Variants in ROBO2 observed in about 807,000 individuals in gnomAD.
ROBO2 encodes roundabout guidance receptor 2, also known as roundabout homolog 2.
ROBO2 carries 53 observed loss-of-function variants against 160.8 expected under a neutral mutation model. The ratio of observed to expected loss-of-function variants is 0.33; its 90% CI spans 0.26 to 0.41. ROBO2 has a LOEUF of 0.41. ROBO2 is among the 10% of genes least tolerant of loss of function. ROBO2 has a pLI of 1.00. For synonymous variants in ROBO2, 664 were observed against 611.7 expected (o/e 1.09, Z -1.26); for missense variants, 1,577 against 1,722.4 (o/e 0.92, Z 1.49).
intron 2 of ROBO2, among the ~76,000 whole-genome samples, chr3:76,145,529 G>A (rs1027692246): frequency 3.3e-5 from 5 of 151,926 alleles, no homozygotes; most frequent in South Asian, 2.1e-4. Flanking sequence ...ACAAAAATAC[G>A]TAAATTAATG....
At chr3:77,003,395 T>C (rs954305434) in intron 2 of ROBO2, among the ~76,000 whole-genome samples, 2 of 152,184 alleles carry the variant, frequency 1.3e-5, no homozygotes, top group African/African-American at 4.8e-5. Context: ...AGATAGTACA[T>C]ATAAACTGGT....
chr3:77,390,922 G>A (rs1005280219), intron 2 of ROBO2, among the ~76,000 whole-genome samples: 2 of 151,910 alleles, frequency 1.3e-5, no homozygotes, highest in African/African-American at 2.4e-5. Context: ...GCAGGTAAGC[G>A]AATGAAAGTT....
intron 1 of ROBO2, among the ~76,000 whole-genome samples, chr3:75,920,604 ATCTG>A (rs1559752167): frequency 1.3e-5 from 2 of 152,030 alleles, no homozygotes; most frequent in African/African-American, 4.8e-5. Context: ...TGTCCTGTTG[ATCTG>A]TCTAATATTG....
chr3:76,101,766 C>T (rs1037211845), intron 2 of ROBO2, among the ~76,000 whole-genome samples: 7 of 139,456 alleles, frequency 5.0e-5, no homozygotes, highest in African/African-American at 1.6e-4. Context: ...TCCAAGTGTT[C>T]CCATTGTACC....
chr3:77,396,006 T>C (rs988178921), intron 2 of ROBO2, among the ~76,000 whole-genome samples: 3 of 151,838 alleles, frequency 2.0e-5, no homozygotes, highest in African/African-American at 7.2e-5. Flanking sequence ...CTTTTTGATA[T>C]CCAAATAACC....
intron 6 of ROBO2, among the ~76,000 whole-genome samples, chr3:77,542,031 A>T (rs181127158): frequency 6.6e-6 from 1 of 152,274 alleles, no homozygotes; most frequent in Admixed American, 6.5e-5. Context: ...CTGTGTTGAT[A>T]AAATGCCACA....
intron 2 of ROBO2, among the ~76,000 whole-genome samples, chr3:77,435,333 TG>T (rs2079169699): frequency 6.6e-6 from 1 of 151,974 alleles, no homozygotes; most frequent in Non-Finnish European, 1.5e-5. Context: ...AGTACATTGA[TG>T]GAAAGTATTT....
At chr3:77,464,211 G>A (rs1259818190) in intron 2 of ROBO2, among the ~76,000 whole-genome samples, 6 of 152,290 alleles carry the variant, frequency 3.9e-5, no homozygotes, top group Admixed American at 2.0e-4. Context: ...GATAATAAAA[G>A]TAGCAGAACA....
At chr3:77,233,495 T>C (rs2087508109) in intron 2 of ROBO2, among the ~76,000 whole-genome samples, 1 of 152,172 alleles carries the variant, frequency 6.6e-6, no homozygotes, top group Non-Finnish European at 1.5e-5. Flanking sequence ...AGAGAAGGCC[T>C]GCCCATCACT....
intron 2 of ROBO2, among the ~76,000 whole-genome samples, chr3:77,208,667 A>G (rs2083728023): frequency 6.6e-6 from 1 of 152,214 alleles, no homozygotes; most frequent in Non-Finnish European, 1.5e-5. Flanking sequence ...TTGAAGATAG[A>G]CTATAGATTA....
chr3:76,376,372 C>T (rs1471657223), intron 2 of ROBO2, among the ~76,000 whole-genome samples: 1 of 152,072 alleles, frequency 6.6e-6, no homozygotes, highest in African/African-American at 2.4e-5. Flanking sequence ...ATATAGAGAA[C>T]CACACAGTCA....
intron 2 of ROBO2, among the ~76,000 whole-genome samples, chr3:77,020,618 A>T (rs2062571063): frequency 6.6e-6 from 1 of 152,198 alleles, no homozygotes; most frequent in South Asian, 2.1e-4. Flanking sequence ...AATGTGGTAG[A>T]TCCACATTAT....
At chr3:76,648,321 GAAGT>G (rs1426521849) in intron 2 of ROBO2, among the ~76,000 whole-genome samples, 1 of 152,052 alleles carries the variant, frequency 6.6e-6, no homozygotes, top group Non-Finnish European at 1.5e-5. Flanking sequence ...TTAAAAATTT[GAAGT>G]AAGATGTTAG....
chr3:77,381,020 CA>C (rs2073384229), intron 2 of ROBO2, among the ~76,000 whole-genome samples: 1 of 152,020 alleles, frequency 6.6e-6, no homozygotes, highest in African/African-American at 2.4e-5. Context: ...TTAGAATAAT[CA>C]GGACAGCATT....
At chr3:76,326,406 GTGTT>G (rs1460398424) in intron 2 of ROBO2, among the ~76,000 whole-genome samples, 4 of 151,982 alleles carry the variant, frequency 2.6e-5, no homozygotes, top group Admixed American at 1.3e-4. Context: ...ATGGATGAGT[GTGTT>G]TGTGCATATA....
At chr3:76,650,178 A>C (rs1272602565) in intron 2 of ROBO2, among the ~76,000 whole-genome samples, 2 of 152,134 alleles carry the variant, frequency 1.3e-5, no homozygotes, top group Non-Finnish European at 2.9e-5. Context: ...GAATAAAGAG[A>C]AAAAAGGAAC....
At chr3:76,798,212 AG>A (rs2063870345) in intron 2 of ROBO2, among the ~76,000 whole-genome samples, 3 of 149,640 alleles carry the variant, frequency 2.0e-5, no homozygotes, top group African/African-American at 7.4e-5. Flanking sequence ...AAAGAGAAAG[AG>A]AAAAAGAAAG....
At chr3:75,957,791 C>A (rs1349694264) in intron 2 of ROBO2, among the ~76,000 whole-genome samples, 1 of 151,482 alleles carries the variant, frequency 6.6e-6, no homozygotes, top group Non-Finnish European at 1.5e-5. Flanking sequence ...ACTCCCCATT[C>A]CAGATCATTA....
intron 1 of ROBO2, among the ~76,000 whole-genome samples, chr3:77,097,408 ATT>A (rs1050141784): frequency 6.6e-6 from 1 of 151,998 alleles, no homozygotes; most frequent in Non-Finnish European, 1.5e-5. Context: ...AGCGTATTGC[ATT>A]TTAACATACG....
Sources: gnomAD v4.1 joint callset for allele counts (sites outside exome capture counted in the v4.1 genomes callset) on GRCh38, gnomAD v4.1.1 for gene constraint, MANE v1.5 for transcripts, NCBI Gene and HGNC (gene_info 2026-07-23, HGNC 2026-07-21) for gene names.